Variants in IDE observed in about 807,000 individuals in gnomAD.
The protein encoded by IDE is insulin degrading enzyme, also known as insulin-degrading enzyme.
Under a neutral mutation model 133.2 loss-of-function variants are expected in IDE, and 58 were observed. That is an observed-to-expected ratio of 0.44 (90% CI 0.35 to 0.54). IDE has a LOEUF of 0.54. IDE is among the 20% of genes least tolerant of loss of function. The pLI, the probability that IDE is intolerant of heterozygous loss-of-function variation, is 0.00. For missense variants in IDE, 981 were observed against 1,234.0 expected (o/e 0.79, Z 3.07); for synonymous variants, 396 against 421.3 (o/e 0.94, Z 0.73).
At chr10:92,512,579 C>T (rs1391062995) in intron 5 of IDE, among the ~76,000 whole-genome samples, 1 of 151,124 alleles carries the variant, frequency 6.6e-6, no homozygotes, top group Non-Finnish European at 1.5e-5. Context: ...AAAAAACACC[C>T]AGCTTTGGCA....
rs1254517533 is a variant in IDE, at chr10:92,468,853, C to A, written c.2320+26G>T. Reference sequence around the variant, plus strand: ...CACTGTTATGTCAAAATAGTCCATTCCCAAAGTTACAACATCTCTACTTAC... The same window carrying A: ...CACTGTTATGTCAAAATAGTCCATTACCAAAGTTACAACATCTCTACTTAC... On this transcript the variant is annotated intron_variant, in intron 19 of 24. Coordinates refer to ENST00000265986, the MANE Select transcript of IDE (RefSeq NM_004969.4). The A allele has an allele frequency of 6.4e-6, 8 of 1,242,912 alleles. No individual in the cohort carries two copies. In the South Asian group the frequency reaches 9.6e-5, roughly 15 times the overall value. The allele number at this position is 1,242,912 out of a possible 1,614,324, so 77.0% of individuals were successfully genotyped here.
chr10:92,482,246 T>C (rs1846656474), intron 14 of IDE, among the ~76,000 whole-genome samples: 2 of 152,182 alleles, frequency 1.3e-5, no homozygotes, highest in South Asian at 2.1e-4. Flanking sequence ...TAAACCATGA[T>C]AGGCTTATCT....
At position 92,455,662 on chromosome 10, in the gene IDE, T is replaced by C. The variant is rs1484416060; in HGVS notation, c.2897-19A>G. The C allele has an allele frequency of 7.0e-7, 1 of 1,429,184 alleles. No individual in the cohort carries two copies. The highest frequency in any genetic ancestry group is 9.8e-7 in the Non-Finnish European group (1 of 1,017,180). The allele number at this position is 1,429,184 out of a possible 1,614,324, so 88.5% of individuals were successfully genotyped here. A position where few individuals can be genotyped will look rare whatever the true frequency, so the allele number is the denominator to read the frequency against. On this transcript the variant is annotated intron_variant, in intron 23 of 24. Transcript: ENST00000265986. ...ACAGGACCTATAAGAAAATAAAAGG[T>C]TTAATACTTTGTACTTATTGATACT...
chr10:92,505,014 T>C, intron 10 of IDE, 117 bp from the exon 11 acceptor site: 1 of 542,114 alleles, frequency 1.8e-6, no homozygotes, highest in East Asian at 3.5e-5. Context: ...TTCAGTTAAA[T>C]TTTACTCCAT....
Position 92,475,913 on chromosome 10 carries a change from C to T in IDE, c.1966G>A (p.Glu656Lys). ...IEKMATFEID[E>K]KRFEIIKEAY... ...TCTTTGATAATTTCAAATCTTTTTT[C>T]ATCAATCTCAAAGGTAGCCATTTTC... Residue 656 changes from glutamate (E) to lysine (K), a missense_variant, in exon 16 of 25, where the codon GAA (glutamate) becomes AAA (lysine). Around this residue, in one of 2 missense-constraint regions of IDE, gnomAD observed 660 missense variants for 894.7 expected, o/e 0.74. Coordinates refer to ENST00000265986, the MANE Select transcript of IDE (RefSeq NM_004969.4). 3.3e-6 allele frequency: 5 copies of T among 1,497,672 alleles called. No homozygotes were observed. Among genetic ancestry groups the T allele is most frequent in the Non-Finnish European group, 4.6e-6 (5 of 1,091,044 alleles). The allele number at this position is 1,497,672 out of a possible 1,614,324, so 92.8% of individuals were successfully genotyped here.
Position 92,534,776 on chromosome 10 carries a change from G to C in IDE, c.293C>G (p.Ser98Trp), listed in dbSNP as rs780006450. The stretch of plus-strand genomic sequence containing the variant: ...TAAGCCAGCAATATTTGGAGGATCC[G>C]ACAATGAACCTGAAAGAGAAAACAC... ...AALDVHIGSL[S>W]DPPNIAGLSH... Residue 98 changes from serine (S) to tryptophan (W), a missense_variant, in exon 3 of 25, where the codon TCG (serine) becomes TGG (tryptophan). This residue lies in a region of IDE where 321 missense variants were observed against 339.3 expected (regional missense o/e 0.95). Transcript: ENST00000265986. 6.2e-7 allele frequency: 1 copy of C among 1,612,280 alleles called. No homozygotes were observed. Among genetic ancestry groups the C allele is most frequent in the Non-Finnish European group, 8.5e-7 (1 of 1,179,102 alleles).
chr10:92,572,626 T>C (rs961641853), intron 1 of IDE, among the ~76,000 whole-genome samples: 1 of 152,166 alleles, frequency 6.6e-6, no homozygotes, highest in African/African-American at 2.4e-5. Context: ...CTACTACGCA[T>C]TGGGAAAATC....
At chr10:92,508,288 G>C in intron 7 of IDE, 83 bp from the exon 8 acceptor site, 1 of 1,011,420 alleles carries the variant, frequency 9.9e-7, no homozygotes, top group East Asian at 2.4e-5. Context: ...AATTCATACT[G>C]TATGTTCCTA....
chr10:92,537,667 C>A (rs201187979), intron 1 of IDE, 117 bp from the exon 2 acceptor site: 6 of 677,562 alleles, frequency 8.9e-6, no homozygotes, highest in Non-Finnish European at 1.5e-5. Flanking sequence ...TGAAGGAAAC[C>A]TTTTATAGCC....
intron 1 of IDE, among the ~76,000 whole-genome samples, chr10:92,549,454 T>A (rs552320059): frequency 1.3e-5 from 2 of 152,212 alleles, no homozygotes; most frequent in Non-Finnish European, 2.9e-5. Context: ...TATCTACATA[T>A]CTCTCAATCA....
chr10:92,513,313 C>A (rs1026881607), intron 5 of IDE, among the ~76,000 whole-genome samples: 26 of 152,180 alleles, frequency 1.7e-4, no homozygotes, highest in Non-Finnish European at 3.5e-4. Context: ...CTGCCTCAGC[C>A]TCCCAACTAG....
At chr10:92,477,386 GCTCAAA>G (rs1589388680) in intron 15 of IDE, among the ~76,000 whole-genome samples, 1 of 150,758 alleles carries the variant, frequency 6.6e-6, no homozygotes, top group East Asian at 2.0e-4. Context: ...GAACTCCTGA[GCTCAAA>G]GCAATCTGCC....
At chr10:92,495,216 CTTTTTTTT>C (rs71028822) in intron 11 of IDE, among the ~76,000 whole-genome samples, 1 of 73,444 alleles carries the variant, frequency 1.4e-5, no homozygotes, top group African/African-American at 5.9e-5. Flanking sequence ...TCACACTCGG[CTTTTTTTT>C]TTTTTTTTTT....
At chr10:92,534,155 C>CA (rs1850102829) in intron 3 of IDE, among the ~76,000 whole-genome samples, 1 of 152,214 alleles carries the variant, frequency 6.6e-6, no homozygotes, top group South Asian at 2.1e-4. Context: ...AAAACACTTT[C>CA]AAAATATCCC....
At chr10:92,569,474 C>T (rs938797287) in intron 1 of IDE, among the ~76,000 whole-genome samples, 1 of 152,062 alleles carries the variant, frequency 6.6e-6, no homozygotes, top group African/African-American at 2.4e-5. Context: ...TAAGATGTTA[C>T]GAAGATGATC....
chr10:92,560,547 C>T (rs1289608226), intron 1 of IDE, among the ~76,000 whole-genome samples: 2 of 152,022 alleles, frequency 1.3e-5, no homozygotes, highest in Non-Finnish European at 2.9e-5. Context: ...CTTCGGGAGG[C>T]CCTAGCACGT....
intron 4 of IDE, among the ~76,000 whole-genome samples, chr10:92,524,665 G>A (rs1463095162): frequency 6.9e-6 from 1 of 145,248 alleles, no homozygotes; most frequent in Non-Finnish European, 1.5e-5. Context: ...GCTCACGCCT[G>A]TAATCCCAGC....
intron 11 of IDE, among the ~76,000 whole-genome samples, chr10:92,503,471 G>A (rs981695764): frequency 6.6e-6 from 1 of 152,098 alleles, no homozygotes; most frequent in Non-Finnish European, 1.5e-5. Flanking sequence ...CATGAGGTCA[G>A]GTAAAATCTG....
chr10:92,514,185 C>A (rs1048483193), intron 5 of IDE, among the ~76,000 whole-genome samples: 13 of 152,046 alleles, frequency 8.6e-5, no homozygotes, highest in Admixed American at 2.6e-4. Flanking sequence ...GTTAAACTGC[C>A]CTCCAGAAAG....
Sources: allele counts gnomAD v4.1 joint callset (sites outside exome capture counted in the v4.1 genomes callset), GRCh38; gene constraint gnomAD v4.1.1; regional missense constraint gnomAD v4.1.1; transcripts MANE v1.5; gene names NCBI Gene and HGNC (gene_info 2026-07-23, HGNC 2026-07-21).